The following SPTLC1 variants were observed in gnomAD, a reference collection of about 807,000 sequenced individuals.
SPTLC1 encodes serine palmitoyltransferase 1.
In SPTLC1, 55 loss-of-function variants were observed where a neutral mutation model predicts 68.9. That is an observed-to-expected ratio of 0.80 (90% confidence interval 0.64 to 1.00). SPTLC1 has a LOEUF of 1.00. Among genes scored for constraint, SPTLC1 ranks in the 50% least tolerant of loss-of-function variants. SPTLC1 has a pLI of 0.00. For missense variants in SPTLC1, 449 were observed against 573.1 expected, an observed-to-expected ratio of 0.78 and a Z score of 2.21; for synonymous variants, 197 against 201.6, an observed-to-expected ratio of 0.98 and a Z score of 0.19.
intron 5 of SPTLC1, among the ~76,000 whole-genome samples, chr9:92,078,071 TCCC>T (rs1306757290): frequency 6.6e-6 from 1 of 151,788 alleles, no homozygotes; most frequent in Non-Finnish European, 1.5e-5. Context: ...CTCAGCAACC[TCCC>T]CCATCTCCCT....
At chr9:92,079,655 G>A (rs41279063) in intron 5 of SPTLC1, 64,297 of 1,222,834 alleles carry the variant, frequency 0.053, 2,061 homozygotes, top group Middle Eastern at 0.066. Flanking sequence ...CTGTTTCTCA[G>A]CCCCCTGCGT....
chr9:92,106,010 G>A (rs932788919), intron 3 of SPTLC1, among the ~76,000 whole-genome samples: 3 of 146,910 alleles, frequency 2.0e-5, no homozygotes, highest in East Asian at 4.2e-4. Flanking sequence ...CCGCCACCCT[G>A]TCTGGCAAGT....
intron 3 of SPTLC1, among the ~76,000 whole-genome samples, chr9:92,092,512 C>T (rs1170280501): frequency 2.0e-5 from 3 of 151,974 alleles, no homozygotes; most frequent in East Asian, 1.9e-4. Flanking sequence ...GTGGATCACC[C>T]GAGGTCAAGA....
At chr9:92,066,744 C>T (rs188690884) in intron 6 of SPTLC1, among the ~76,000 whole-genome samples, 75 of 152,260 alleles carry the variant, frequency 4.9e-4, no homozygotes, top group Middle Eastern at 3.4e-3. Flanking sequence ...GGAGGCCAGG[C>T]ACAGTGGCTC....
chr9:92,074,706 T>C (rs1424981400), intron 5 of SPTLC1, among the ~76,000 whole-genome samples: 1 of 152,066 alleles, frequency 6.6e-6, no homozygotes. Flanking sequence ...AACTCTCCCA[T>C]CCTACCTATT....
At chr9:92,072,638 A>T (rs935051659) in intron 5 of SPTLC1, among the ~76,000 whole-genome samples, 3 of 151,848 alleles carry the variant, frequency 2.0e-5, no homozygotes, top group African/African-American at 4.8e-5. Context: ...CTTTCACCCA[A>T]TCTAAAGCCT....
chr9:92,050,198 A>G, intron 8 of SPTLC1, 131 bp from the exon 9 acceptor site: 1 of 675,342 alleles, frequency 1.5e-6, no homozygotes, highest in Non-Finnish European at 2.6e-6. Context: ...GTGCAAATTC[A>G]TCTACTTATT....
At chr9:92,086,317 G>C (rs1324945974) in intron 3 of SPTLC1, among the ~76,000 whole-genome samples, 1 of 152,120 alleles carries the variant, frequency 6.6e-6, no homozygotes, top group Non-Finnish European at 1.5e-5. Context: ...CTCGTTAGTT[G>C]ATGCAGTTTC....
At chr9:92,086,625 T>C (rs1835145903) in intron 3 of SPTLC1, among the ~76,000 whole-genome samples, 2 of 152,274 alleles carry the variant, frequency 1.3e-5, no homozygotes, top group South Asian at 4.1e-4. Flanking sequence ...GTTAGTCTGA[T>C]GGGCTTCCCT....
At position 92,049,955 on chromosome 9, in the gene SPTLC1, C is replaced by T; in HGVS notation, c.888+5G>A. The T allele has an allele frequency of 6.3e-7, 1 of 1,587,600 alleles. No individual in the cohort carries two copies. The highest frequency in any genetic ancestry group is 8.6e-7 in the Non-Finnish European group (1 of 1,156,576). ...GGGAAACGTTCTTAAAAAAGGGGAA[C>T]TTACATTGATTCCATAGTGTTCAGT... On this transcript the variant is annotated splice_donor_5th_base_variant and intron_variant, in intron 9 of 14. Transcript: ENST00000262554.
chr9:92,060,616 T>G (rs2118545000), intron 6 of SPTLC1, among the ~76,000 whole-genome samples: 1 of 152,160 alleles, frequency 6.6e-6, no homozygotes, highest in South Asian at 2.1e-4. Context: ...ATAGAAATTA[T>G]TCACTGACAG....
At chr9:92,050,122 T>C in intron 8 of SPTLC1, 55 bp from the exon 9 acceptor site, 3 of 1,132,214 alleles carry the variant, frequency 2.6e-6, no homozygotes, top group Non-Finnish European at 4.0e-6. Context: ...TAGAACATAT[T>C]ATGGAGAAAA....
At chr9:92,075,079 CCTT>C (rs1368598136) in intron 5 of SPTLC1, among the ~76,000 whole-genome samples, 2 of 152,082 alleles carry the variant, frequency 1.3e-5, no homozygotes, top group South Asian at 2.1e-4. Flanking sequence ...ATGTGGATGA[CCTT>C]CTTCTTTGCA....
rs557799560 is a variant in SPTLC1 at position 92,072,119 on chromosome 9, C to T, written c.428-4021G>A. Among the ~76,000 whole-genome samples, 79 of 152,268 alleles carry T rather than the reference C, an allele frequency of 5.2e-4. 1 individual carries two copies. The Middle Eastern group carries it at 0.014, about 26-fold the overall frequency. On this transcript the variant is annotated intron_variant, in intron 5 of 14. Transcript: ENST00000262554. The stretch of plus-strand genomic sequence containing the variant: ...TGTTCAGGTTGTCTCTTCAATTGGA[C>T]GCATGCATAACATTCGGTGCCGAAA...
chr9:92,102,635 C>A (rs2118792576), intron 3 of SPTLC1, among the ~76,000 whole-genome samples: 1 of 151,958 alleles, frequency 6.6e-6, no homozygotes, highest in South Asian at 2.1e-4. Flanking sequence ...ATGTAAGCTC[C>A]AGAGTAACCA....
At chr9:92,080,728 TG>T in intron 4 of SPTLC1, 141 bp downstream of exon 4, 1 of 704,212 alleles carries the variant, frequency 1.4e-6, no homozygotes, top group Non-Finnish European at 2.6e-6. Flanking sequence ...TTGGTAGAGA[TG>T]GGGTTTCACC....
intron 4 of SPTLC1, 127 bp from the exon 5 acceptor site, chr9:92,080,215 G>A: frequency 1.3e-6 from 1 of 757,746 alleles, no homozygotes; most frequent in Non-Finnish European, 2.2e-6. Context: ...ATAAAGAAGA[G>A]ACAGGTGTAA....
At chr9:92,033,455 T>A (rs936315070) in intron 14 of SPTLC1, among the ~76,000 whole-genome samples, 6 of 152,254 alleles carry the variant, frequency 3.9e-5, no homozygotes, top group African/African-American at 9.6e-5. Flanking sequence ...TTTATTGAGC[T>A]GTACTATGCT....
chr9:92,052,316 C>T (rs951802030), intron 8 of SPTLC1, among the ~76,000 whole-genome samples: 3 of 152,006 alleles, frequency 2.0e-5, no homozygotes, highest in Non-Finnish European at 2.9e-5. Flanking sequence ...AACAAGGGTG[C>T]CAAGACCAGT....
Sources: gnomAD v4.1 joint callset for allele counts (sites outside exome capture counted in the v4.1 genomes callset) on GRCh38, gnomAD v4.1.1 for gene constraint, MANE v1.5 for transcripts, NCBI Gene and HGNC (gene_info 2026-07-23, HGNC 2026-07-21) for gene names.